GRIK1: variants seen among roughly 807,000 people sequenced by gnomAD.
GRIK1 encodes the protein glutamate ionotropic receptor kainate type subunit 1.
A neutral mutation model predicts 105.7 loss-of-function variants in GRIK1; 69 were observed. That is an observed-to-expected ratio of 0.65 (90% CI 0.54 to 0.80). The LOEUF is 0.80. Ranked by LOEUF, GRIK1 falls within the 30% of genes least tolerant of loss-of-function variation. The probability of loss-of-function intolerance (pLI) is 0.00; values close to 1 mark genes in which losing one functional copy is unlikely to be tolerated. For missense variants in GRIK1, 1,109 were observed against 1,167.3 expected, an observed-to-expected ratio of 0.95 and a Z score of 0.73; for synonymous variants, 438 against 431.3, an observed-to-expected ratio of 1.02 and a Z score of -0.19.
chr21:29,886,053 T>C (rs978998636), intron 1 of GRIK1, among the ~76,000 whole-genome samples: 1 of 152,090 alleles, frequency 6.6e-6, no homozygotes, highest in African/African-American at 2.4e-5. Flanking sequence ...GAATGTGTTA[T>C]TGCCAATGTT....
At chr21:29,823,788 T>C (rs1601787570) in intron 1 of GRIK1, among the ~76,000 whole-genome samples, 1 of 152,024 alleles carries the variant, frequency 6.6e-6, no homozygotes, top group African/African-American at 2.4e-5. Context: ...TAAAAATCTT[T>C]TGTGTATCTG....
chr21:29,725,813 G>A (rs1266615611), intron 1 of GRIK1, among the ~76,000 whole-genome samples: 3 of 152,150 alleles, frequency 2.0e-5, no homozygotes, highest in Non-Finnish European at 2.9e-5. Flanking sequence ...TACAGCTTTT[G>A]TAAAGGCCAA....
At chr21:29,724,068 A>G (rs2064390807) in intron 1 of GRIK1, among the ~76,000 whole-genome samples, 1 of 152,236 alleles carries the variant, frequency 6.6e-6, no homozygotes, top group African/African-American at 2.4e-5. Flanking sequence ...ATGTACATAT[A>G]TAATTTTTAT....
At chr21:29,674,955 G>A (rs939533269) in intron 3 of GRIK1, among the ~76,000 whole-genome samples, 1 of 152,086 alleles carries the variant, frequency 6.6e-6, no homozygotes, top group African/African-American at 2.4e-5. Context: ...ATAATCACCT[G>A]CTTGTCTTCT....
intron 1 of GRIK1, among the ~76,000 whole-genome samples, chr21:29,902,810 G>T (rs1232138109): frequency 6.6e-6 from 1 of 152,076 alleles, no homozygotes; most frequent in Non-Finnish European, 1.5e-5. Context: ...CCAAAAAAGG[G>T]CCCACATAGC....
chr21:29,865,243 A>C (rs2068764828), intron 1 of GRIK1, among the ~76,000 whole-genome samples: 1 of 152,112 alleles, frequency 6.6e-6, no homozygotes, highest in Non-Finnish European at 1.5e-5. Context: ...GTCAATTCAA[A>C]ATTTTATGTA....
chr21:29,562,666 AG>A (rs1350977630), intron 14 of GRIK1, among the ~76,000 whole-genome samples: 1 of 152,008 alleles, frequency 6.6e-6, no homozygotes, highest in Admixed American at 6.6e-5. Flanking sequence ...AAAAAAAAAA[AG>A]AAGAAAAATC....
intron 14 of GRIK1, among the ~76,000 whole-genome samples, chr21:29,563,008 A>T (rs920521122): frequency 2.7e-5 from 4 of 148,692 alleles, no homozygotes; most frequent in East Asian, 2.0e-4. Flanking sequence ...TACAGTTCCA[A>T]TTTTTTTTTT....
chr21:29,621,537 A>G (rs1211240759), intron 7 of GRIK1, among the ~76,000 whole-genome samples: 6 of 152,242 alleles, frequency 3.9e-5, no homozygotes, highest in African/African-American at 1.4e-4. Flanking sequence ...ACTTTGTAGT[A>G]ATAGTGAACC....
intron 1 of GRIK1, among the ~76,000 whole-genome samples, chr21:29,909,779 C>T (rs934050063): frequency 3.9e-5 from 6 of 152,074 alleles, no homozygotes; most frequent in South Asian, 2.1e-4. Context: ...CCAAGGAATC[C>T]GCAGAGAAGC....
intron 3 of GRIK1, among the ~76,000 whole-genome samples, chr21:29,674,997 G>A (rs1195907784): frequency 6.6e-6 from 1 of 152,152 alleles, no homozygotes; most frequent in Non-Finnish European, 1.5e-5. Context: ...AACTACTGAG[G>A]AGCATTAAAA....
chr21:29,841,047 T>C (rs1373052205), intron 1 of GRIK1, among the ~76,000 whole-genome samples: 1 of 152,172 alleles, frequency 6.6e-6, no homozygotes, highest in African/African-American at 2.4e-5. Context: ...ATATGTAATA[T>C]TTAGCTTTTC....
chr21:29,889,956 C>T (rs1268367978), intron 1 of GRIK1, among the ~76,000 whole-genome samples: 1 of 151,934 alleles, frequency 6.6e-6, no homozygotes, highest in Admixed American at 6.6e-5. Context: ...TAGAGTTGTT[C>T]TGAAACACCG....
chr21:29,630,565 A>G (rs1346036269), intron 7 of GRIK1: 3 of 471,636 alleles, frequency 6.4e-6, no homozygotes, highest in Non-Finnish European at 1.3e-5. Flanking sequence ...AATGTCTGCA[A>G]AAAGTGAATT....
intron 1 of GRIK1, among the ~76,000 whole-genome samples, chr21:29,793,482 C>T (rs909010295): frequency 5.9e-5 from 9 of 151,458 alleles, no homozygotes; most frequent in Non-Finnish European, 7.4e-5. Flanking sequence ...CCACCCCCTA[C>T]CCTGCCCCTT....
chr21:29,920,743 T>C (rs963664316), intron 1 of GRIK1, among the ~76,000 whole-genome samples: 3 of 152,088 alleles, frequency 2.0e-5, no homozygotes, highest in African/African-American at 7.2e-5. Flanking sequence ...TGCATTTGCA[T>C]ACATGATTTT....
At chr21:29,860,335 G>A (rs2068597180) in intron 1 of GRIK1, among the ~76,000 whole-genome samples, 1 of 152,206 alleles carries the variant, frequency 6.6e-6, no homozygotes, top group African/African-American at 2.4e-5. Flanking sequence ...ATAATTGGAT[G>A]CCTCTCTGTC....
intron 1 of GRIK1, among the ~76,000 whole-genome samples, chr21:29,777,849 A>G (rs2065989692): frequency 6.6e-6 from 1 of 152,220 alleles, no homozygotes; most frequent in African/African-American, 2.4e-5. Context: ...GAACTTGACG[A>G]CTAATTGAGT....
chr21:29,855,944 G>A (rs929796995), intron 1 of GRIK1, among the ~76,000 whole-genome samples: 1 of 152,080 alleles, frequency 6.6e-6, no homozygotes, highest in Admixed American at 6.6e-5. Context: ...AGGAATGTTT[G>A]GTAAAGGATG....
Sources: allele counts gnomAD v4.1 joint callset (sites outside exome capture counted in the v4.1 genomes callset), GRCh38; gene constraint gnomAD v4.1.1; transcripts MANE v1.5; gene names NCBI Gene and HGNC (gene_info 2026-07-23, HGNC 2026-07-21).